Variants in PRKCA observed in about 807,000 individuals in gnomAD.
PRKCA encodes the protein protein kinase C alpha type.
Under a neutral mutation model 87.0 loss-of-function variants are expected in PRKCA, and 27 were observed. The observed-to-expected ratio is 0.31, with a 90% CI of 0.23 to 0.43. The LOEUF (loss-of-function observed/expected upper bound fraction) is 0.43. PRKCA is among the 20% of genes least tolerant of loss of function. The probability of loss-of-function intolerance (pLI) is 1.00; values close to 1 mark genes in which losing one functional copy is unlikely to be tolerated. For synonymous variants in PRKCA, 329 were observed against 311.1 expected (o/e 1.06, Z -0.61); for missense variants, 518 against 852.3 (o/e 0.61, Z 4.88).
chr17:66,636,281 G>A (rs1394723560), intron 3 of PRKCA, among the ~76,000 whole-genome samples: 1 of 152,204 alleles, frequency 6.6e-6, no homozygotes, highest in East Asian at 1.9e-4. Context: ...TGTCAGACTA[G>A]GTGAGATTAA....
chr17:66,624,374 TGTA>T (rs1421458047), intron 3 of PRKCA, among the ~76,000 whole-genome samples: 7 of 152,188 alleles, frequency 4.6e-5, no homozygotes, highest in Non-Finnish European at 7.3e-5. Flanking sequence ...TTTCTACTAT[TGTA>T]GTACTTTGGG....
chr17:66,671,446 T>C (rs1279759768), intron 5 of PRKCA, among the ~76,000 whole-genome samples: 1 of 152,130 alleles, frequency 6.6e-6, no homozygotes, highest in Non-Finnish European at 1.5e-5. Flanking sequence ...AAAATGTGGA[T>C]ACCAAGTAGG....
At chr17:66,507,394 G>A (rs777907408) in intron 3 of PRKCA, among the ~76,000 whole-genome samples, 8 of 152,160 alleles carry the variant, frequency 5.3e-5, no homozygotes, top group Non-Finnish European at 1.0e-4. Context: ...ACAGTACCAC[G>A]TGACTGAACA....
intron 3 of PRKCA, among the ~76,000 whole-genome samples, chr17:66,572,913 G>A (rs763626426): frequency 6.6e-5 from 10 of 152,180 alleles, no homozygotes; most frequent in Non-Finnish European, 1.0e-4. Context: ...ACAGAGTCCT[G>A]TAATTCAGTG....
chr17:66,655,598 G>A (rs1057065304), intron 5 of PRKCA, among the ~76,000 whole-genome samples: 1 of 152,154 alleles, frequency 6.6e-6, no homozygotes, highest in African/African-American at 2.4e-5. Context: ...TTATTTACAT[G>A]TTGATCTCCT....
chr17:66,609,969 A>G (rs562980671), intron 3 of PRKCA, among the ~76,000 whole-genome samples: 4 of 152,198 alleles, frequency 2.6e-5, no homozygotes, highest in African/African-American at 9.6e-5. Context: ...CGGGTGTCCT[A>G]TAGTTCAGTG....
In PRKCA at chr17:66,732,668, C is replaced by A; in HGVS notation, c.919-20C>A. 1 of 1,613,924 alleles carries A rather than the reference C, an allele frequency of 6.2e-7. No homozygotes were observed. Among genetic ancestry groups the A allele is most frequent in the Non-Finnish European group, 8.5e-7 (1 of 1,179,928 alleles). On this transcript the variant is annotated intron_variant, in intron 8 of 16. Transcript: ENST00000413366. Reference sequence around the variant, plus strand: ...CCAGAAAAATGACCCACGTGTTTCCCATTTGTGCTTGTTATTTAGAAAGCC... The same window carrying A: ...CCAGAAAAATGACCCACGTGTTTCCAATTTGTGCTTGTTATTTAGAAAGCC...
intron 14 of PRKCA, chr17:66,777,687 T>A: frequency 1.0e-6 from 1 of 985,404 alleles, no homozygotes; most frequent in Non-Finnish European, 1.2e-6. Context: ...TGTTCAGCTC[T>A]TGAGTCTGGA....
intron 5 of PRKCA, among the ~76,000 whole-genome samples, chr17:66,648,376 G>T (rs959366003): frequency 3.3e-5 from 5 of 152,184 alleles, no homozygotes; most frequent in African/African-American, 1.2e-4. Context: ...AGTACTTTAT[G>T]TACTAACTTT....
At chr17:66,661,216 A>G (rs1337227106) in intron 5 of PRKCA, among the ~76,000 whole-genome samples, 1 of 152,086 alleles carries the variant, frequency 6.6e-6, no homozygotes, top group Admixed American at 6.5e-5. Context: ...CACAAATCCA[A>G]AAATTCTGGG....
intron 5 of PRKCA, among the ~76,000 whole-genome samples, chr17:66,646,413 T>TG (rs1224157186): frequency 6.6e-6 from 1 of 152,102 alleles, no homozygotes. Flanking sequence ...ACCCACTCCA[T>TG]GTTGGTGTAT....
intron 3 of PRKCA, among the ~76,000 whole-genome samples, chr17:66,557,500 C>G (rs1472255469): frequency 6.6e-6 from 1 of 151,512 alleles, no homozygotes; most frequent in Non-Finnish European, 1.5e-5. Context: ...TAAAATGTCT[C>G]AAGAAAAAGA....
At chr17:66,514,904 T>C (rs527774818) in intron 3 of PRKCA, among the ~76,000 whole-genome samples, 5 of 152,284 alleles carry the variant, frequency 3.3e-5, no homozygotes, top group Admixed American at 1.3e-4. Flanking sequence ...TGGTTTTGTT[T>C]GCTTGCTTTT....
At chr17:66,363,013 A>G (rs1386534982) in intron 2 of PRKCA, among the ~76,000 whole-genome samples, 2 of 152,034 alleles carry the variant, frequency 1.3e-5, no homozygotes, top group African/African-American at 4.8e-5. Context: ...GCTTTTAGGC[A>G]CCTCAATGTC....
intron 3 of PRKCA, among the ~76,000 whole-genome samples, chr17:66,558,285 C>T (rs1022215094): frequency 9.2e-5 from 14 of 152,316 alleles, no homozygotes; most frequent in African/African-American, 2.2e-4. Flanking sequence ...GTTGAAGAGA[C>T]GGACAGTCAA....
intron 16 of PRKCA, among the ~76,000 whole-genome samples, chr17:66,791,212 T>C (rs1211874868): frequency 6.8e-6 from 1 of 146,394 alleles, no homozygotes; most frequent in Non-Finnish European, 1.5e-5. Context: ...AAATTGCCCC[T>C]GGCTGTGAAG....
In PRKCA at chr17:66,690,879, C is replaced by T. The variant is rs7221112; in HGVS notation, c.918+1832C>T. On this transcript the variant is annotated intron_variant, in intron 8 of 16. Transcript: ENST00000413366. ...TTAGAGCTGTCCGGATGTGGTAGCT[C>T]ACACCTGTGGTCTCAGCACTTTAAG... 7.7e-3 allele frequency among the ~76,000 whole-genome samples: 1,134 copies of T among 147,208 alleles called. 20 individuals are homozygous for T. The highest frequency in any genetic ancestry group is 0.027 in the African/African-American group (1,066 of 39,858).
chr17:66,665,303 T>A (rs79170317), intron 5 of PRKCA, among the ~76,000 whole-genome samples: 8,126 of 152,242 alleles, frequency 0.053, 289 homozygotes, highest in Admixed American at 0.078. Flanking sequence ...AAGGTGGAGC[T>A]AGAACTTGAA....
chr17:66,765,994 G>A (rs893334706), intron 13 of PRKCA, among the ~76,000 whole-genome samples: 9 of 152,136 alleles, frequency 5.9e-5, no homozygotes, highest in African/African-American at 1.9e-4. Flanking sequence ...ACGTTTCTCT[G>A]GGAAAAAATG....
Sources: gnomAD v4.1 joint callset for allele counts (sites outside exome capture counted in the v4.1 genomes callset) on GRCh38, gnomAD v4.1.1 for gene constraint, MANE v1.5 for transcripts, NCBI Gene and HGNC (gene_info 2026-07-23, HGNC 2026-07-21) for gene names.